Variants in MYL12B observed in about 807,000 individuals in gnomAD.
MYL12B encodes myosin regulatory light chain 12B.
In MYL12B, 3 loss-of-function variants were observed where a neutral mutation model predicts 12.9. The ratio of observed to expected loss-of-function variants is 0.23; its 90% CI spans 0.11 to 0.60. The LOEUF (loss-of-function observed/expected upper bound fraction) is 0.60, where lower values mean the gene tolerates loss of function less well. Ranked by LOEUF, MYL12B falls within the 20% of genes least tolerant of loss-of-function variation. MYL12B has a pLI of 0.89. For synonymous variants in MYL12B, 57 were observed against 71.9 expected (o/e 0.79, Z 1.05); for missense variants, 120 against 215.4 (o/e 0.56, Z 2.77).
At position 3,262,221 on chromosome 18, in the gene MYL12B, C is replaced by T. The variant is rs112858295; in HGVS notation, c.-32C>T. 1.3e-5 allele frequency: 2 copies of T among 152,220 alleles called. No homozygotes were observed. The highest frequency in any genetic ancestry group is 2.4e-5 in the African/African-American group (1 of 41,458). 9.4% of individuals were successfully genotyped at this position (152,220 alleles called of 1,614,324 possible). A position where few individuals can be genotyped will look rare whatever the true frequency, so the allele number is the denominator to read the frequency against. On this transcript the variant is annotated 5_prime_UTR_variant, in exon 1 of 4. Transcript: ENST00000237500. ...GGTCTCGCGCAGGGCGGCCCCGGTT[C>T]TGGTGTTTGGCGTCGGGTGAGTCGC...
intron 1 of MYL12B, among the ~76,000 whole-genome samples, chr18:3,267,658 T>G (rs545384390): frequency 1.7e-4 from 26 of 152,360 alleles, no homozygotes; most frequent in African/African-American, 6.3e-4. Flanking sequence ...AGAGATCTCA[T>G]TCACATAATT....
chr18:3,277,366 G>A lies in MYL12B; in HGVS notation c.298G>A (p.Glu100Lys). ...TGAGAAGTTAAATGGCACAGATCCTGAAGATGTCATCAGAAACGCCTTTGC... is the reference window on the plus strand; with the variant it reads ...TGAGAAGTTAAATGGCACAGATCCTAAAGATGTCATCAGAAACGCCTTTGC... ...FGEKLNGTDPEDVIRNAFACF... is the reference protein window; with the variant it reads ...FGEKLNGTDPKDVIRNAFACF... The change falls in exon 3 of 4, where the codon GAA becomes AAA. Residue 100 changes from glutamate (E) to lysine (K), a missense_variant. Glu to Lys is a moderately conservative substitution (Grantham distance 56, BLOSUM62 1). Transcript: ENST00000237500. 1 of 1,614,056 alleles carries A rather than the reference G, an allele frequency of 6.2e-7. No homozygotes were observed. Among genetic ancestry groups the A allele is most frequent in the Non-Finnish European group, 8.5e-7 (1 of 1,179,972 alleles).
At chr18:3,269,247 A>G (rs1277866675) in intron 1 of MYL12B, among the ~76,000 whole-genome samples, 1 of 152,218 alleles carries the variant, frequency 6.6e-6, no homozygotes, top group Non-Finnish European at 1.5e-5. Context: ...TGATGAGGTC[A>G]TATTCATGTT....
chr18:3,274,233 A>C (rs1193661802), intron 2 of MYL12B, among the ~76,000 whole-genome samples: 1 of 152,212 alleles, frequency 6.6e-6, no homozygotes, highest in African/African-American at 2.4e-5. Context: ...AGGAAAATTG[A>C]GGAATGTAGC....
At chr18:3,270,434 T>G (rs990233677) in intron 1 of MYL12B, among the ~76,000 whole-genome samples, 1 of 152,162 alleles carries the variant, frequency 6.6e-6, no homozygotes, top group African/African-American at 2.4e-5. Flanking sequence ...TCAACTTGCC[T>G]TCTGTTTCCT....
At chr18:3,272,747 T>C in intron 1 of MYL12B, 137 bp from the exon 2 acceptor site, 1 of 802,428 alleles carries the variant, frequency 1.2e-6, no homozygotes, top group Non-Finnish European at 1.8e-6. Context: ...TTTAGGTGCA[T>C]ACTTATTCCT....
chr18:3,264,084 C>T (rs2081617463), intron 1 of MYL12B, among the ~76,000 whole-genome samples: 1 of 152,212 alleles, frequency 6.6e-6, no homozygotes, highest in African/African-American at 2.4e-5. Context: ...GCTACTGCTT[C>T]TTCCAGGTAT....
At chr18:3,267,401 A>G (rs2081642313) in intron 1 of MYL12B, among the ~76,000 whole-genome samples, 1 of 152,214 alleles carries the variant, frequency 6.6e-6, no homozygotes, top group Non-Finnish European at 1.5e-5. Flanking sequence ...GTATATAGAC[A>G]ATTTCTGCTT....
At chr18:3,266,905 G>A (rs1247909984) in intron 1 of MYL12B, among the ~76,000 whole-genome samples, 1 of 152,114 alleles carries the variant, frequency 6.6e-6, no homozygotes, top group Non-Finnish European at 1.5e-5. Flanking sequence ...TGAGGCCTGG[G>A]GAAGCCGAAA....
Position 3,272,797 on chromosome 18 carries a change from TACAG to T in MYL12B, c.-15-84_-15-81del, listed in dbSNP as rs535975900. 2,716 of 1,188,332 alleles carry T rather than the reference TACAG, an allele frequency of 2.3e-3. 41 individuals are homozygous for T. The Admixed American group carries it at 0.033, about 14-fold the overall frequency. 73.6% of individuals were successfully genotyped at this position (1,188,332 alleles called of 1,614,324 possible). Reference sequence around the variant, plus strand: ...ATAATTCCTTATTGATATTTTTACCTACAGACTTTAGGTATTATGTATTCTGTTT... The same window carrying T: ...ATAATTCCTTATTGATATTTTTACCTACTTTAGGTATTATGTATTCTGTTT... On this transcript the variant is annotated intron_variant, in intron 1 of 3. Transcript: ENST00000237500.
At position 3,273,068 on chromosome 18, in the gene MYL12B, T is replaced by C; in HGVS notation, c.170T>C (p.Met57Thr). Residue 57 changes from methionine (M) to threonine (T), a missense_variant, in exon 2 of 4, where the codon ATG becomes ACG. Coordinates refer to ENST00000237500, the MANE Select transcript of MYL12B (RefSeq NM_033546.4). ...GFIDKEDLHD[M>T]LASLGKNPTD... The stretch of plus-strand genomic sequence containing the variant: ...ATCGACAAGGAAGATTTGCATGATA[T>C]GCTTGCTTCTCTAGGTAGACTTTAT... 1 of 1,604,826 alleles carries C rather than the reference T, an allele frequency of 6.2e-7. No individual in the cohort carries two copies. Among genetic ancestry groups the C allele is most frequent in the Non-Finnish European group, 8.5e-7 (1 of 1,175,298 alleles).
In MYL12B at chr18:3,277,342, G is replaced by T. The variant is rs758630223; in HGVS notation, c.274G>T (p.Glu92Ter). 6.2e-7 allele frequency: 1 copy of T among 1,613,922 alleles called. No homozygotes were observed. The highest frequency in any genetic ancestry group is 8.5e-7 in the Non-Finnish European group (1 of 1,179,904). ...CACCATGTTCCTGACCATGTTTGGT[G>T]AGAAGTTAAATGGCACAGATCCTGA... Reference protein sequence around the residue: ...NFTMFLTMFGEKLNGTDPEDV... With the variant: ...NFTMFLTMFG Residue 92 changes from glutamate to a stop codon, truncating the protein, a stop_gained, in exon 3 of 4, where the codon GAG (glutamate) becomes TAG (stop). Coordinates refer to ENST00000237500, the MANE Select transcript of MYL12B (RefSeq NM_033546.4). LOFTEE classifies it high-confidence loss of function.
At chr18:3,262,455 G>A (rs2081600435) in intron 1 of MYL12B, 1 of 152,210 alleles carries the variant, frequency 6.6e-6, no homozygotes, top group South Asian at 2.1e-4. Flanking sequence ...TGGCCCGGAC[G>A]TCCAGGGGCC....
At chr18:3,277,498 C>A in intron 3 of MYL12B, 84 bp downstream of exon 3, 2 of 1,531,984 alleles carry the variant, frequency 1.3e-6, no homozygotes, top group South Asian at 1.3e-5. Flanking sequence ...CTTTTTTTAC[C>A]TTTAGAAAAT....
At chr18:3,268,147 C>A (rs958084134) in intron 1 of MYL12B, among the ~76,000 whole-genome samples, 4 of 152,276 alleles carry the variant, frequency 2.6e-5, no homozygotes, top group Non-Finnish European at 5.9e-5. Context: ...GGAATATATC[C>A]CCCTCAGATA....
In MYL12B at chr18:3,277,244, T is replaced by G; in HGVS notation, c.185-9T>G. The stretch of plus-strand genomic sequence containing the variant: ...TTGTCTTTAAATGTTAAAATGTGTA[T>G]TCTTACAGGGAAGAATCCCACTGAT... On this transcript the variant is annotated splice_polypyrimidine_tract_variant and intron_variant, in intron 2 of 3. Transcript: ENST00000237500. The G allele has an allele frequency of 6.4e-7, 1 of 1,560,342 alleles. No homozygotes were observed. The highest frequency in any genetic ancestry group is 8.7e-7 in the Non-Finnish European group (1 of 1,152,418).
At chr18:3,264,773 A>T (rs1294170173) in intron 1 of MYL12B, among the ~76,000 whole-genome samples, 3 of 152,230 alleles carry the variant, frequency 2.0e-5, no homozygotes, top group Admixed American at 6.5e-5. Flanking sequence ...TAAGAAGTTC[A>T]AAAACAAAAC....
At chr18:3,273,137 A>G in intron 2 of MYL12B, 55 bp downstream of exon 2, 7 of 1,494,604 alleles carry the variant, frequency 4.7e-6, no homozygotes, top group Non-Finnish European at 5.4e-6. Context: ...TTGTCTCTTT[A>G]TGAATCTTTT....
intron 1 of MYL12B, among the ~76,000 whole-genome samples, chr18:3,268,749 A>G (rs1210046900): frequency 1.3e-5 from 2 of 152,234 alleles, no homozygotes; most frequent in Non-Finnish European, 2.9e-5. Flanking sequence ...TTTAGTAGGA[A>G]GTAGAAAATA....
Sources: allele counts gnomAD v4.1 joint callset (sites outside exome capture counted in the v4.1 genomes callset), GRCh38; gene constraint gnomAD v4.1.1; transcripts MANE v1.5; gene names NCBI Gene and HGNC (gene_info 2026-07-23, HGNC 2026-07-21).